Variants in IKBKG observed in about 807,000 individuals in gnomAD.
IKBKG encodes inhibitor of nuclear factor kappa B kinase regulatory subunit gamma, also known as NF-kappa-B essential modulator.
A neutral mutation model predicts 13.7 loss-of-function variants in IKBKG; 2 were observed. The observed-to-expected ratio is 0.15, with a 90% CI of 0.06 to 0.46. The LOEUF is 0.46. Ranked by LOEUF, IKBKG falls within the 20% of genes least tolerant of loss-of-function variation. IKBKG has a pLI of 0.98. For synonymous variants in IKBKG, 22 were observed against 64.4 expected (o/e 0.34, Z 3.15); for missense variants, 53 against 150.3 (o/e 0.35, Z 3.39).
At chrX:154,554,487 A>G (rs931639909) in intron 2 of IKBKG, among the ~76,000 whole-genome samples, 1 of 112,713 alleles carries the variant, frequency 8.9e-6, no homozygotes, top group Non-Finnish European at 1.9e-5. Flanking sequence ...AGCCAGGTGC[A>G]GTGGCTCATG....
chrX:154,546,855 A>G (rs1557233580), upstream of IKBKG: 2 of 1,119,489 alleles, frequency 1.8e-6, no homozygotes, highest in Non-Finnish European at 2.4e-6. Flanking sequence ...CCGGGGGCTG[A>G]GCCCCGCCGG....
upstream of IKBKG, chrX:154,545,838 A>C: frequency 7.0e-6 from 1 of 142,658 alleles, no homozygotes; most frequent in Admixed American, 9.2e-5. Context: ...TCCGTCTCCA[A>C]AAAAAAAAAA....
upstream of IKBKG, among the ~76,000 whole-genome samples, chrX:154,544,311 A>C (rs2070624117): frequency 9.1e-6 from 1 of 109,818 alleles, no homozygotes; most frequent in African/African-American, 3.3e-5. Flanking sequence ...ACAGGCACGC[A>C]CCACCACGCC....
chrX:154,547,188 C>CCTCGCGCG (rs2070762457), upstream of IKBKG: 3 of 313,162 alleles, frequency 9.6e-6, no homozygotes, highest in Admixed American at 1.8e-4. Context: ...GCCCCGGCGG[C>CCTCGCGCG]CTCGCGCGCT....
upstream of IKBKG, chrX:154,547,079 G>C (rs1461324234): frequency 1.2e-5 from 2 of 164,904 alleles, no homozygotes; most frequent in Non-Finnish European, 2.3e-5. Context: ...CCGCTGCTCT[G>C]CATCCCCAAT....
At position 154,551,875 on chromosome X, in the gene IKBKG, A is replaced by T. The variant is rs782515018; in HGVS notation, c.-15-113A>T. 8.1e-5 allele frequency: 45 copies of T among 555,600 alleles called. No homozygotes were observed. In the African/African-American group the frequency reaches 1.0e-3, roughly 13 times the overall value. 45.8% of individuals were successfully genotyped at this position (555,600 alleles called of 1,213,427 possible). A position where few individuals can be genotyped will look rare whatever the true frequency, so the allele number is the denominator to read the frequency against. ...AAAACCCACTTTAGCATCCTGATAC[A>T]CTAGGTGAATTATCAGCATTCTGTT... On this transcript the variant is annotated intron_variant, in intron 1 of 9. Coordinates refer to ENST00000594239, the MANE Select transcript of IKBKG (RefSeq NM_001099857.5).
At chrX:154,563,119 C>A (rs2071147837) in intron 7 of IKBKG, among the ~76,000 whole-genome samples, 166 bp downstream of exon 7, 1 of 60,678 alleles carries the variant, frequency 1.6e-5, no homozygotes, top group South Asian at 1.1e-3. Flanking sequence ...ACCTCTGCCT[C>A]CCGGGTTCAA....
chrX:154,542,227 C>T (rs1423284644), intron 1 of IKBKG: 1 of 941,109 alleles, frequency 1.1e-6, no homozygotes, highest in African/African-American at 2.0e-5. Context: ...TCCCACAGGC[C>T]CATCATTGGG....
Position 154,550,429 on chromosome X carries a change from A to G in IKBKG, c.-15-1559A>G, listed in dbSNP as rs782704401. ...GTTTTGAGAAGGCTACTAGATAACC[A>G]AGTAGAAATGTCGAGTTTGATAAAT... On this transcript the variant is annotated intron_variant, in intron 1 of 9. Coordinates refer to ENST00000594239, the MANE Select transcript of IKBKG (RefSeq NM_001099857.5). Among the ~76,000 whole-genome samples the G allele has an allele frequency of 3.6e-4, 36 of 99,656 alleles. No individual in the cohort carries two copies. In the South Asian group the frequency reaches 0.018, roughly 51 times the overall value. 86.5% of individuals were successfully genotyped at this position (99,656 alleles called of 115,157 possible).
chrX:154,543,323 C>A (rs1436773330), upstream of IKBKG, among the ~76,000 whole-genome samples: 2 of 112,639 alleles, frequency 1.8e-5, no homozygotes, highest in East Asian at 2.8e-4. Flanking sequence ...CAACCCGAAG[C>A]TGGCCACAGG....
At chrX:154,547,116 G>C (rs2070757512), upstream of IKBKG, 2 of 148,338 alleles carry the variant, frequency 1.3e-5, no homozygotes, top group Non-Finnish European at 2.5e-5. Flanking sequence ...GCAGCTCCGC[G>C]TAGTGCTCCC....
intron 2 of IKBKG, among the ~76,000 whole-genome samples, chrX:154,554,734 C>T (rs1257176433): frequency 1.8e-5 from 2 of 110,910 alleles, no homozygotes; most frequent in African/African-American, 6.6e-5. Flanking sequence ...CCAGCCTGGG[C>T]GACAGAGCGA....
chrX:154,549,612 T>C (rs2070872354), intron 1 of IKBKG, among the ~76,000 whole-genome samples: 2 of 111,692 alleles, frequency 1.8e-5, no homozygotes, highest in Non-Finnish European at 3.8e-5. Context: ...GCTTGAGATA[T>C]CATTAGCATG....
intron 1 of IKBKG, chrX:154,542,132 A>G: frequency 2.2e-6 from 1 of 454,894 alleles, no homozygotes; most frequent in Non-Finnish European, 3.7e-6. Context: ...TCATCATGAC[A>G]CAGCAAGAAT....
upstream of IKBKG, chrX:154,547,382 C>T (rs1234211503): frequency 4.0e-6 from 3 of 754,308 alleles, no homozygotes; most frequent in South Asian, 6.7e-5. Flanking sequence ...CGGCCGAGCG[C>T]CCCGAGGCTA....
At chrX:154,562,990 G>A (rs1213770771) in intron 7 of IKBKG, 37 bp downstream of exon 7, 1 of 752,124 alleles carries the variant, frequency 1.3e-6, no homozygotes, top group African/African-American at 3.1e-5. Context: ...CTGGCACTGG[G>A]ACCTGGAGAG....
At chrX:154,547,248 T>A (rs1028560522), upstream of IKBKG, 6 of 654,748 alleles carry the variant, frequency 9.2e-6, no homozygotes, top group Non-Finnish European at 9.1e-6. Flanking sequence ...TCCTCTGGGC[T>A]GTCCCTCGGC....
chrX:154,542,261 C>T, intron 1 of IKBKG: 1 of 1,116,890 alleles, frequency 9.0e-7, no homozygotes, highest in Admixed American at 2.6e-5. Context: ...GCCCATCAAG[C>T]CCATGGCCCT....
chrX:154,555,277 G>C (rs1169995578), intron 2 of IKBKG, among the ~76,000 whole-genome samples: 1 of 111,974 alleles, frequency 8.9e-6, no homozygotes, highest in African/African-American at 3.2e-5. Flanking sequence ...CTGACCCTAG[G>C]AGTCTGCAGG....
Sources: gnomAD v4.1 joint callset for allele counts (sites outside exome capture counted in the v4.1 genomes callset) on GRCh38, gnomAD v4.1.1 for gene constraint, MANE v1.5 for transcripts, NCBI Gene and HGNC (gene_info 2026-07-23, HGNC 2026-07-21) for gene names.